NEGR1: variants seen among roughly 807,000 people sequenced by gnomAD.
The protein encoded by NEGR1 is IgLON family member 4.
A neutral mutation model predicts 40.9 loss-of-function variants in NEGR1; 10 were observed. The observed-to-expected ratio is 0.24, with a 90% CI of 0.15 to 0.42. The LOEUF (loss-of-function observed/expected upper bound fraction) is 0.42, where lower values mean the gene tolerates loss of function less well. Ranked by LOEUF, NEGR1 falls within the 10% of genes least tolerant of loss-of-function variation. The probability of loss-of-function intolerance (pLI) is 1.00; values close to 1 mark genes in which losing one functional copy is unlikely to be tolerated. For synonymous variants in NEGR1, 185 were observed against 166.8 expected (o/e 1.11, Z -0.84); for missense variants, 352 against 438.9 (o/e 0.80, Z 1.77).
chr1:71,858,840 C>A (rs1356765430), intron 2 of NEGR1, among the ~76,000 whole-genome samples: 1 of 151,950 alleles, frequency 6.6e-6, no homozygotes, highest in Non-Finnish European at 1.5e-5. Context: ...TGAATATCAG[C>A]CCTATATTAT....
At chr1:71,480,912 T>C (rs1025373317) in intron 6 of NEGR1, among the ~76,000 whole-genome samples, 14 of 151,930 alleles carry the variant, frequency 9.2e-5, no homozygotes, top group African/African-American at 3.4e-4. Context: ...CTAAAAATTA[T>C]ATAACTAGTA....
intron 6 of NEGR1, among the ~76,000 whole-genome samples, chr1:71,446,248 T>C (rs747469920): frequency 2.6e-5 from 4 of 152,104 alleles, no homozygotes; most frequent in Non-Finnish European, 4.4e-5. Context: ...GAAGAGGTAA[T>C]AGGCATTTCA....
intron 6 of NEGR1, among the ~76,000 whole-genome samples, chr1:71,425,170 T>C (rs1646421145): frequency 1.3e-5 from 2 of 152,098 alleles, no homozygotes; most frequent in Admixed American, 6.5e-5. Context: ...TACGTGCTCT[T>C]AGCTTCAAGA....
At chr1:71,814,100 T>A (rs924887199) in intron 2 of NEGR1, among the ~76,000 whole-genome samples, 5 of 152,096 alleles carry the variant, frequency 3.3e-5, no homozygotes, top group African/African-American at 1.2e-4. Context: ...TGAGGAATGT[T>A]CCATCAATAC....
At chr1:71,481,342 CT>C (rs1646852578) in intron 6 of NEGR1, among the ~76,000 whole-genome samples, 1 of 151,792 alleles carries the variant, frequency 6.6e-6, no homozygotes, top group Non-Finnish European at 1.5e-5. Flanking sequence ...AAACTGTGAT[CT>C]TTTCTCTCTA....
intron 3 of NEGR1, among the ~76,000 whole-genome samples, chr1:71,719,165 G>T (rs1469549403): frequency 6.6e-6 from 1 of 151,978 alleles, no homozygotes; most frequent in Non-Finnish European, 1.5e-5. Context: ...GGATCATTTG[G>T]GTTGGCCCTT....
intron 1 of NEGR1, among the ~76,000 whole-genome samples, chr1:72,244,981 T>C (rs1321353723): frequency 6.6e-6 from 1 of 151,918 alleles, no homozygotes; most frequent in Non-Finnish European, 1.5e-5. Flanking sequence ...AGCACAAAAA[T>C]ACAAAAACAT....
chr1:71,673,486 T>C (rs1216349388), intron 4 of NEGR1, among the ~76,000 whole-genome samples: 1 of 152,130 alleles, frequency 6.6e-6, no homozygotes, highest in Non-Finnish European at 1.5e-5. Context: ...TGATTTAATA[T>C]AAGAGACAGC....
At chr1:71,780,059 A>AG (rs1656656349) in intron 2 of NEGR1, among the ~76,000 whole-genome samples, 2 of 148,994 alleles carry the variant, frequency 1.3e-5, no homozygotes, top group Non-Finnish European at 1.5e-5. Flanking sequence ...AAAAAAAAAA[A>AG]AAAAAAAAAA....
At chr1:71,845,346 G>A (rs1484707541) in intron 2 of NEGR1, among the ~76,000 whole-genome samples, 1 of 151,904 alleles carries the variant, frequency 6.6e-6, no homozygotes, top group African/African-American at 2.4e-5. Flanking sequence ...AATTTAATAA[G>A]TAATTAAAGT....
chr1:72,235,262 T>C (rs1048610219), intron 1 of NEGR1, among the ~76,000 whole-genome samples: 1 of 152,062 alleles, frequency 6.6e-6, no homozygotes, highest in Non-Finnish European at 1.5e-5. Context: ...GAATAACATA[T>C]AATGTGGTTA....
At chr1:71,651,616 C>T (rs1463392200) in intron 4 of NEGR1, among the ~76,000 whole-genome samples, 2 of 152,052 alleles carry the variant, frequency 1.3e-5, no homozygotes, top group East Asian at 3.9e-4. Context: ...CTCTCTGAAT[C>T]CTATTCTGAT....
chr1:71,615,012 G>A (rs1357450100), intron 4 of NEGR1, among the ~76,000 whole-genome samples: 3 of 152,256 alleles, frequency 2.0e-5, no homozygotes, highest in East Asian at 3.9e-4. Context: ...AGTCCTAAGA[G>A]CATTTTGCAA....
At chr1:71,915,073 G>A (rs138004049) in intron 2 of NEGR1, among the ~76,000 whole-genome samples, 20 of 151,914 alleles carry the variant, frequency 1.3e-4, no homozygotes, top group African/African-American at 4.8e-4. Flanking sequence ...CTCTCATTAC[G>A]ACTGTTAGAG....
chr1:71,547,366 G>A (rs929502306), intron 6 of NEGR1, among the ~76,000 whole-genome samples: 3 of 151,762 alleles, frequency 2.0e-5, no homozygotes, highest in Non-Finnish European at 4.4e-5. Flanking sequence ...GGAAATGAGA[G>A]CATGTGTATT....
At position 71,801,491 on chromosome 1, in the gene NEGR1, A is replaced by G. The variant is rs2101748730; in HGVS notation, c.410-25194T>C. On this transcript the variant is annotated intron_variant, in intron 2 of 6. Coordinates refer to ENST00000357731, the MANE Select transcript of NEGR1 (RefSeq NM_173808.3). ...TACATATCTCAACATGTCTAATGAA[A>G]ACTCTTGTTATTTCCACTCAAACTA... Among the ~76,000 whole-genome samples the G allele has an allele frequency of 1.3e-5, 2 of 152,280 alleles. 1 individual carries two copies. The highest frequency in any genetic ancestry group is 4.1e-4 in the South Asian group (2 of 4,832).
rs1646284917 is a variant in NEGR1 at position 71,407,384 on chromosome 1, G to T, written c.*62C>A. 5.2e-6 allele frequency: 8 copies of T among 1,542,684 alleles called. No homozygotes were observed. The South Asian group carries it at 8.1e-5, about 16-fold the overall frequency. On this transcript the variant is annotated 3_prime_UTR_variant, in exon 7 of 7. Transcript: ENST00000357731. ...ACGCTGCTTTTAACAAACTGTACCA[G>T]ATTGGATCCAGCCATCAGCACTTTC...
At chr1:71,643,651 A>T (rs1471232630) in intron 4 of NEGR1, among the ~76,000 whole-genome samples, 1 of 152,016 alleles carries the variant, frequency 6.6e-6, no homozygotes, top group Admixed American at 6.6e-5. Context: ...GATCAAACAC[A>T]AATGTATATG....
At chr1:71,796,988 T>C (rs1366547684) in intron 2 of NEGR1, among the ~76,000 whole-genome samples, 1 of 152,150 alleles carries the variant, frequency 6.6e-6, no homozygotes, top group East Asian at 1.9e-4. Context: ...TTTACATAAT[T>C]GAAACTCATT....
Sources: allele counts gnomAD v4.1 joint callset (sites outside exome capture counted in the v4.1 genomes callset), GRCh38; gene constraint gnomAD v4.1.1; transcripts MANE v1.5; gene names NCBI Gene and HGNC (gene_info 2026-07-23, HGNC 2026-07-21).